The following RAB11FIP4 variants were observed in gnomAD, a reference collection of about 807,000 sequenced individuals.
RAB11FIP4 encodes RAB11 family interacting protein 4, also known as rab11 family-interacting protein 4.
RAB11FIP4 carries 23 observed loss-of-function variants against 74.3 expected under a neutral mutation model. The observed-to-expected ratio is 0.31, with a 90% CI of 0.22 to 0.44. RAB11FIP4 has a LOEUF of 0.44. Among genes scored for constraint, RAB11FIP4 ranks in the 20% least tolerant of loss-of-function variants. The pLI is 1.00. For synonymous variants in RAB11FIP4, 360 were observed against 359.9 expected (o/e 1.00, Z 0.00); for missense variants, 630 against 863.9 (o/e 0.73, Z 3.39).
Position 31,528,530 on chromosome 17 carries a change from A to C in RAB11FIP4, c.1481A>C (p.Glu494Ala), listed in dbSNP as rs778752284. The stretch of plus-strand genomic sequence containing the variant: ...CGCCTTGAGTTCCAGAAGGAGCGGG[A>C]GGCGACGCAGGAGGTAGGTCCCAGG... Reference protein sequence around the residue: ...QNRLEFQKEREATQELIEDLR... With the variant: ...QNRLEFQKERAATQELIEDLR... The change falls in exon 12 of 15, where the codon GAG becomes GCG. Residue 494 changes from glutamate to alanine, a missense_variant. Physicochemically the swap from Glu to Ala is moderately radical, Grantham distance 107 (BLOSUM62 -1). Transcript: ENST00000621161. 3 of 1,613,720 alleles carry C rather than the reference A, an allele frequency of 1.9e-6. No individual in the cohort carries two copies. The African/African-American group carries it at 4.0e-5, about 22-fold the overall frequency.
chr17:31,505,708 A>G (rs929255552), intron 3 of RAB11FIP4, among the ~76,000 whole-genome samples: 8 of 121,046 alleles, frequency 6.6e-5, no homozygotes, highest in African/African-American at 2.5e-4. Flanking sequence ...TATATAATAT[A>G]TTAATAATAT....
In RAB11FIP4 at chr17:31,535,034, G is replaced by A. The variant is rs1188130819; in HGVS notation, c.*3302G>A. The A allele has an allele frequency of 6.5e-6, 1 of 153,170 alleles. No individual in the cohort carries two copies. The highest frequency in any genetic ancestry group is 1.5e-5 in the Non-Finnish European group (1 of 68,212). The allele number at this position is 153,170 out of a possible 1,614,324, so 9.5% of individuals were successfully genotyped here. On this transcript the variant is annotated 3_prime_UTR_variant, in exon 15 of 15. Coordinates refer to ENST00000621161, the MANE Select transcript of RAB11FIP4 (RefSeq NM_032932.6). ...TTCTTTTAGCTTTGAATTGGCCAGA[G>A]TTTATCCTAGATTATTTTATTTTAA... is the stretch of plus-strand genomic sequence containing the variant.
At chr17:31,488,354 T>C in intron 3 of RAB11FIP4, 1 of 1,040,592 alleles carries the variant, frequency 9.6e-7, no homozygotes, top group Non-Finnish European at 1.2e-6. Flanking sequence ...CCCCGGGAAG[T>C]TGGCGGAGAG....
chr17:31,525,907 C>A (rs72817703), intron 10 of RAB11FIP4: 1 of 152,278 alleles, frequency 6.6e-6, no homozygotes, highest in South Asian at 2.1e-4. Flanking sequence ...TGCCCTGGCA[C>A]TCCTCAGGCC....
intron 3 of RAB11FIP4, among the ~76,000 whole-genome samples, chr17:31,489,715 C>T (rs2071970088): frequency 6.6e-6 from 1 of 152,208 alleles, no homozygotes; most frequent in Non-Finnish European, 1.5e-5. Flanking sequence ...TTTGAGGTCC[C>T]TGTCACTTCA....
At chr17:31,424,436 A>T (rs1034626272) in intron 1 of RAB11FIP4, among the ~76,000 whole-genome samples, 3 of 151,682 alleles carry the variant, frequency 2.0e-5, no homozygotes, top group Admixed American at 2.0e-4. Context: ...CTCAAAATTA[A>T]TTTTTCTTTC....
At position 31,537,211 on chromosome 17, in the gene RAB11FIP4, C is replaced by T. The variant is rs1173460753; in HGVS notation, c.*5479C>T. ...CCTCCTTTTCTACATCGTCTCATCT[C>T]CCTGGCCTTTCCCGAGCCCTGTAAA... On this transcript the variant is annotated 3_prime_UTR_variant, in exon 15 of 15. Coordinates refer to ENST00000621161, the MANE Select transcript of RAB11FIP4 (RefSeq NM_032932.6). The T allele has an allele frequency of 2.5e-6, 1 of 399,478 alleles. No individual in the cohort carries two copies. 24.7% of individuals were successfully genotyped at this position (399,478 alleles called of 1,614,324 possible). A position where few individuals can be genotyped will look rare whatever the true frequency, so the allele number is the denominator to read the frequency against.
chr17:31,489,040 C>A (rs1419682309), intron 3 of RAB11FIP4, among the ~76,000 whole-genome samples: 1 of 152,236 alleles, frequency 6.6e-6, no homozygotes, highest in Non-Finnish European at 1.5e-5. Context: ...CCACAGAGGG[C>A]TGGAAATGAC....
rs780442216 is a variant in RAB11FIP4 at position 31,458,888 on chromosome 17, G to T, written c.336+24766G>T. On this transcript the variant is annotated intron_variant, in intron 3 of 14. Transcript: ENST00000621161. ...GCAGTGTGGGGTTTAGCTGGCAGCT[G>T]TTAGCCCAGGAGCTGAAGACCTGTG... Among the ~76,000 whole-genome samples the T allele has an allele frequency of 4.6e-5, 7 of 152,200 alleles. 1 individual carries two copies. Among genetic ancestry groups the T allele is most frequent in the African/African-American group, 7.2e-5 (3 of 41,438 alleles).
At chr17:31,427,042 T>C (rs1215727707) in intron 1 of RAB11FIP4, among the ~76,000 whole-genome samples, 1 of 152,116 alleles carries the variant, frequency 6.6e-6, no homozygotes. Context: ...CACTGCAACC[T>C]CCACCTCCCT....
At chr17:31,472,718 C>T (rs184897566) in intron 3 of RAB11FIP4, among the ~76,000 whole-genome samples, 3 of 152,144 alleles carry the variant, frequency 2.0e-5, no homozygotes, top group Non-Finnish European at 4.4e-5. Context: ...CAGGAGGTGA[C>T]GTGAGCCGAG....
chr17:31,491,843 T>G (rs1343200345), intron 3 of RAB11FIP4, among the ~76,000 whole-genome samples: 2 of 152,220 alleles, frequency 1.3e-5, no homozygotes, highest in African/African-American at 4.8e-5. Flanking sequence ...GAGGCATTTC[T>G]GGAGGACAGG....
chr17:31,525,353 C>T, intron 10 of RAB11FIP4, 123 bp downstream of exon 10: 1 of 946,320 alleles, frequency 1.1e-6, no homozygotes, highest in Non-Finnish European at 1.6e-6. Flanking sequence ...CCTCTTGAGA[C>T]TTTCCAGTAG....
At chr17:31,495,902 T>G (rs1158025231) in intron 3 of RAB11FIP4, among the ~76,000 whole-genome samples, 1 of 152,254 alleles carries the variant, frequency 6.6e-6, no homozygotes, top group Admixed American at 6.5e-5. Context: ...TGTTCCCTAC[T>G]CACACTTACA....
At position 31,445,530 on chromosome 17, in the gene RAB11FIP4, TTTTATATATATATA is replaced by T. The variant is rs60666930; in HGVS notation, c.336+11410_336+11423del. Among the ~76,000 whole-genome samples the T allele has an allele frequency of 4.8e-3, 175 of 36,746 alleles. 10 individuals are homozygous for T. Among genetic ancestry groups the T allele is most frequent in the African/African-American group, 0.015 (104 of 7,022 alleles). 24.1% of individuals were successfully genotyped at this position (36,746 alleles called of 152,430 possible). On this transcript the variant is annotated intron_variant, in intron 3 of 14. Transcript: ENST00000621161. Reference sequence around the variant, plus strand: ...AAAATCTACATTCAAATTTTCCCAATTTTATATATATATATATATATATATATATATATATATAT... The same window carrying T: ...AAAATCTACATTCAAATTTTCCCAATTATATATATATATATATATATATAT...
intron 3 of RAB11FIP4, among the ~76,000 whole-genome samples, chr17:31,471,878 C>T (rs1012546879): frequency 2.0e-5 from 3 of 152,012 alleles, no homozygotes; most frequent in East Asian, 1.9e-4. Context: ...TGCAGAGTCA[C>T]GGGGCCGGGC....
chr17:31,391,866 C>T lies in RAB11FIP4; in HGVS notation c.14C>T (p.Ala5Val). 1 of 1,154,006 alleles carries T rather than the reference C, an allele frequency of 8.7e-7. No individual in the cohort carries two copies. The highest frequency in any genetic ancestry group is 1.1e-6 in the Non-Finnish European group (1 of 941,276). 71.5% of individuals were successfully genotyped at this position (1,154,006 alleles called of 1,614,324 possible). A position where few individuals can be genotyped will look rare whatever the true frequency, so the allele number is the denominator to read the frequency against. The change falls in exon 1 of 15, where the codon GCG becomes GTG. Residue 5 changes from alanine (A) to valine (V), a missense_variant. Transcript: ENST00000621161. ...GGGCCGGCCCGGATGGCGGGCGGCG[C>T]GGGCTGGTCGGGCGCCCCCGCGGCT... Reference protein sequence around the residue: MAGGAGWSGAPAALL... With the variant: MAGGVGWSGAPAALL...
chr17:31,399,003 G>C (rs1480739852), intron 1 of RAB11FIP4, among the ~76,000 whole-genome samples: 1 of 152,192 alleles, frequency 6.6e-6, no homozygotes. Context: ...GGACAATGGT[G>C]CCCCGGCCTG....
At chr17:31,491,925 GAACGTGGA>G (rs1451519812) in intron 3 of RAB11FIP4, among the ~76,000 whole-genome samples, 1 of 152,206 alleles carries the variant, frequency 6.6e-6, no homozygotes, top group Non-Finnish European at 1.5e-5. Flanking sequence ...CTGTCCATGT[GAACGTGGA>G]AACATTTCCT....
Sources: gnomAD v4.1 joint callset for allele counts (sites outside exome capture counted in the v4.1 genomes callset) on GRCh38, gnomAD v4.1.1 for gene constraint, MANE v1.5 for transcripts, NCBI Gene and HGNC (gene_info 2026-07-23, HGNC 2026-07-21) for gene names.